Variants in EXOC4 observed in about 807,000 individuals in gnomAD.
EXOC4 encodes the protein SEC8-like 1.
EXOC4 carries 71 observed loss-of-function variants against 107.2 expected under a neutral mutation model. The ratio of observed to expected loss-of-function variants is 0.66; its 90% CI spans 0.55 to 0.81. EXOC4 has a LOEUF of 0.81. EXOC4 is among the 30% of genes least tolerant of loss of function. The probability of loss-of-function intolerance (pLI) is 0.00; values close to 1 mark genes in which losing one functional copy is unlikely to be tolerated. For synonymous variants in EXOC4, 456 were observed against 441.2 expected (o/e 1.03, Z -0.42); for missense variants, 1,108 against 1,189.6 (o/e 0.93, Z 1.01).
At chr7:134,047,176 G>T (rs1795675622) in intron 17 of EXOC4, among the ~76,000 whole-genome samples, 2 of 152,170 alleles carry the variant, frequency 1.3e-5, no homozygotes, top group Non-Finnish European at 2.9e-5. Context: ...CTATAGGTTA[G>T]CATTAGCATT....
At chr7:133,892,661 T>G (rs1799221121) in intron 11 of EXOC4, among the ~76,000 whole-genome samples, 1 of 65,802 alleles carries the variant, frequency 1.5e-5, no homozygotes, top group Non-Finnish European at 2.6e-5. Flanking sequence ...ACATCTTTAT[T>G]TCTGCCTTCA....
intron 6 of EXOC4, among the ~76,000 whole-genome samples, chr7:133,358,803 A>G (rs146249509): frequency 1.3e-5 from 2 of 152,084 alleles, no homozygotes; most frequent in Admixed American, 1.3e-4. Context: ...CCCCTTGCCT[A>G]AACCCCTTCC....
At chr7:133,434,023 C>A (rs990752098) in intron 7 of EXOC4, among the ~76,000 whole-genome samples, 1 of 152,156 alleles carries the variant, frequency 6.6e-6, no homozygotes, top group African/African-American at 2.4e-5. Context: ...ATTAAAATTC[C>A]ATTTTATCTT....
chr7:133,410,756 T>C (rs1217732085), intron 7 of EXOC4, among the ~76,000 whole-genome samples: 1 of 152,246 alleles, frequency 6.6e-6, no homozygotes, highest in Non-Finnish European at 1.5e-5. Flanking sequence ...GTTTCTTTTC[T>C]ATATATGCTT....
chr7:133,285,195 T>C (rs1794246983), intron 2 of EXOC4, among the ~76,000 whole-genome samples: 1 of 152,194 alleles, frequency 6.6e-6, no homozygotes, highest in African/African-American at 2.4e-5. Context: ...ATCTAAGCCA[T>C]ACAGCATACT....
chr7:134,017,974 C>T (rs1585325278), intron 17 of EXOC4, among the ~76,000 whole-genome samples: 2 of 152,184 alleles, frequency 1.3e-5, no homozygotes, highest in Admixed American at 6.5e-5. Context: ...CAGAGATTAG[C>T]ATAGATAGCG....
intron 2 of EXOC4, among the ~76,000 whole-genome samples, chr7:133,279,002 A>C (rs1436134694): frequency 6.7e-6 from 1 of 149,808 alleles, no homozygotes; most frequent in South Asian, 2.1e-4. Context: ...CCAGTGTGTG[A>C]TGTTCCCCTT....
At chr7:133,276,782 T>G (rs1265091080) in intron 2 of EXOC4, among the ~76,000 whole-genome samples, 1 of 152,150 alleles carries the variant, frequency 6.6e-6, no homozygotes, top group Non-Finnish European at 1.5e-5. Flanking sequence ...GGCATCTTCA[T>G]GTTTTGTTTT....
intron 10 of EXOC4, among the ~76,000 whole-genome samples, chr7:133,653,583 C>T (rs1247703126): frequency 6.6e-6 from 1 of 152,230 alleles, no homozygotes; most frequent in Non-Finnish European, 1.5e-5. Flanking sequence ...GTCTTCAGCT[C>T]TGCAAATATC....
chr7:133,977,262 G>A (rs1043201204), intron 14 of EXOC4, among the ~76,000 whole-genome samples: 7 of 152,176 alleles, frequency 4.6e-5, no homozygotes, highest in Admixed American at 4.6e-4. Flanking sequence ...TTTCTAAAAA[G>A]TTAAAAAGTA....
intron 9 of EXOC4, among the ~76,000 whole-genome samples, chr7:133,525,631 A>G (rs1484851483): frequency 1.3e-5 from 2 of 152,210 alleles, no homozygotes; most frequent in Non-Finnish European, 2.9e-5. Context: ...GAAACCCACT[A>G]TATTGAAATA....
At chr7:133,545,367 TCA>T (rs1800460462) in intron 9 of EXOC4, among the ~76,000 whole-genome samples, 1 of 152,152 alleles carries the variant, frequency 6.6e-6, no homozygotes, top group Non-Finnish European at 1.5e-5. Flanking sequence ...AATGATTTGT[TCA>T]GGGGATTAAA....
chr7:134,059,287 A>G (rs1360700115), intron 17 of EXOC4, among the ~76,000 whole-genome samples: 1 of 152,170 alleles, frequency 6.6e-6, no homozygotes, highest in Non-Finnish European at 1.5e-5. Flanking sequence ...TGCAGTACTA[A>G]TTTTTGCACT....
chr7:133,655,288 T>C (rs952398630), intron 10 of EXOC4, among the ~76,000 whole-genome samples: 3 of 152,148 alleles, frequency 2.0e-5, no homozygotes, highest in African/African-American at 7.2e-5. Context: ...AATGATTAAA[T>C]TAGGGTAGTT....
intron 9 of EXOC4, among the ~76,000 whole-genome samples, chr7:133,517,024 T>C (rs1484105179): frequency 6.6e-6 from 1 of 152,076 alleles, no homozygotes; most frequent in African/African-American, 2.4e-5. Flanking sequence ...GACATAAGTA[T>C]GCCATAACCA....
intron 9 of EXOC4, among the ~76,000 whole-genome samples, chr7:133,626,531 T>G (rs1802459848): frequency 6.6e-6 from 1 of 152,206 alleles, no homozygotes; most frequent in Non-Finnish European, 1.5e-5. Context: ...ATGAGGTTCC[T>G]GTAGGTGGAA....
intron 9 of EXOC4, among the ~76,000 whole-genome samples, chr7:133,490,340 A>G (rs1799348650): frequency 6.6e-6 from 1 of 152,184 alleles, no homozygotes; most frequent in Non-Finnish European, 1.5e-5. Flanking sequence ...CAGCTCTGTG[A>G]TACACACTAT....
At chr7:133,922,813 C>T (rs1209077966) in intron 13 of EXOC4, among the ~76,000 whole-genome samples, 2 of 151,026 alleles carry the variant, frequency 1.3e-5, no homozygotes, top group African/African-American at 2.4e-5. Context: ...TGCACCACTG[C>T]ACTCAAGCCT....
At chr7:133,813,445 TA>T (rs887685735) in intron 10 of EXOC4, among the ~76,000 whole-genome samples, 2 of 152,182 alleles carry the variant, frequency 1.3e-5, no homozygotes, top group Admixed American at 1.3e-4. Flanking sequence ...TAAAAAATAA[TA>T]AAAAGAGTTT....
Sources: gnomAD v4.1 joint callset for allele counts (sites outside exome capture counted in the v4.1 genomes callset) on GRCh38, gnomAD v4.1.1 for gene constraint, MANE v1.5 for transcripts, NCBI Gene and HGNC (gene_info 2026-07-23, HGNC 2026-07-21) for gene names.